The following WDFY4 variants were observed in gnomAD, a reference collection of about 807,000 sequenced individuals.
WDFY4 encodes the protein WDFY family member 4.
A neutral mutation model predicts 351.9 loss-of-function variants in WDFY4; 169 were observed. The observed-to-expected ratio is 0.48, with a 90% CI of 0.42 to 0.55. The LOEUF (loss-of-function observed/expected upper bound fraction) is 0.55, where lower values mean the gene tolerates loss of function less well. WDFY4 is among the 20% of genes least tolerant of loss of function. The pLI is 0.00. For synonymous variants in WDFY4, 1,622 were observed against 1,574.6 expected, an observed-to-expected ratio of 1.03 and a Z score of -0.71; for missense variants, 3,803 against 3,935.6, an observed-to-expected ratio of 0.97 and a Z score of 0.90.
chr10:48,807,697 T>A (rs2067306032), intron 27 of WDFY4, among the ~76,000 whole-genome samples, 162 bp from the exon 28 acceptor site: 1 of 152,250 alleles, frequency 6.6e-6, no homozygotes, highest in Non-Finnish European at 1.5e-5. Flanking sequence ...AAATTCTTTT[T>A]AAGCATTGTG....
chr10:48,857,049 A>G (rs769401834), intron 39 of WDFY4, among the ~76,000 whole-genome samples: 2 of 152,218 alleles, frequency 1.3e-5, no homozygotes, highest in Non-Finnish European at 2.9e-5. Context: ...TTTCAAGAAA[A>G]TAGCTGCCAA....
chr10:48,729,761 T>G (rs1268524558), intron 8 of WDFY4, among the ~76,000 whole-genome samples, 172 bp downstream of exon 8: 1 of 152,136 alleles, frequency 6.6e-6, no homozygotes, highest in Non-Finnish European at 1.5e-5. Context: ...AGTGGAAACA[T>G]TGCTTAATAA....
intron 1 of WDFY4, among the ~76,000 whole-genome samples, chr10:48,701,646 C>G (rs2063483469): frequency 6.6e-6 from 1 of 152,190 alleles, no homozygotes; most frequent in African/African-American, 2.4e-5. Context: ...CTGTCCCCAG[C>G]TGGTGGCATC....
intron 39 of WDFY4, among the ~76,000 whole-genome samples, chr10:48,860,597 A>G (rs2069302225): frequency 6.6e-6 from 1 of 152,206 alleles, no homozygotes; most frequent in Non-Finnish European, 1.5e-5. Context: ...TTAACATATG[A>G]ATTTGGGGGA....
At chr10:48,686,111 G>A (rs2063039402) in intron 1 of WDFY4, among the ~76,000 whole-genome samples, 1 of 152,056 alleles carries the variant, frequency 6.6e-6, no homozygotes, top group Non-Finnish European at 1.5e-5. Context: ...AGGTCAGGGA[G>A]GCCCTTCCTG....
intron 42 of WDFY4, among the ~76,000 whole-genome samples, chr10:48,876,079 T>C (rs1011148839): frequency 1.3e-5 from 2 of 152,144 alleles, no homozygotes; most frequent in Non-Finnish European, 2.9e-5. Flanking sequence ...AGCCCCTGGG[T>C]GTCTGTGACC....
Position 48,721,296 on chromosome 10 carries a change from T to G in WDFY4, c.385T>G (p.Trp129Gly), listed in dbSNP as rs1171294738. The G allele has an allele frequency of 1.3e-6, 2 of 1,551,424 alleles. No individual in the cohort carries two copies. Among genetic ancestry groups the G allele is most frequent in the Admixed American group, 3.9e-5 (2 of 50,964 alleles). The change falls in exon 4 of 62, where the codon TGG (tryptophan) becomes GGG (glycine). Residue 129 changes from tryptophan (W) to glycine (G), a missense_variant. Physicochemically the swap from Trp to Gly is radical, Grantham distance 184 (BLOSUM62 -2). This residue lies in a region of WDFY4 where 488 missense variants were observed against 456.8 expected (regional missense o/e 1.07). Coordinates refer to ENST00000325239, the MANE Select transcript of WDFY4 (RefSeq NM_001394531.1). ...GTTGGCAGCTGGACAGTTGCTGTGG[T>G]GGAAGGGGGACGTGGATCAGGATGG... is the stretch of plus-strand genomic sequence containing the variant. ...ARLAAGQLLW[W>G]KGDVDQDGYL...
chr10:48,830,772 A>G lies in WDFY4; in HGVS notation c.6413A>G (p.Glu2138Gly). ...QLVAQRQQTLEDAFKIDLSVK... is the reference protein window; with the variant it reads ...QLVAQRQQTLGDAFKIDLSVK... ...GTGGCACAAAGGCAGCAGACCCTGGAGGATGCCTTCAAGATCGATCTCTCT... is the reference window on the plus strand; with the variant it reads ...GTGGCACAAAGGCAGCAGACCCTGGGGGATGCCTTCAAGATCGATCTCTCT... Residue 2138 changes from glutamate (E) to glycine (G), a missense_variant, in exon 38 of 62, where the codon GAG (glutamate) becomes GGG (glycine). By Grantham distance (98) the Glu-to-Gly change is moderately conservative. This residue lies in a region of WDFY4 where 3,054 missense variants were observed against 3,148.6 expected (regional missense o/e 0.97). Transcript: ENST00000325239. 1 of 1,551,660 alleles carries G rather than the reference A, an allele frequency of 6.4e-7. No homozygotes were observed. Among genetic ancestry groups the G allele is most frequent in the Non-Finnish European group, 8.7e-7 (1 of 1,146,944 alleles).
chr10:48,744,153 G>T (rs554242446), intron 12 of WDFY4, among the ~76,000 whole-genome samples: 16 of 152,286 alleles, frequency 1.1e-4, no homozygotes, highest in South Asian at 4.1e-4. Context: ...TAAAGCAAGA[G>T]AGCACAAAGA....
At position 48,819,070 on chromosome 10, in the gene WDFY4, G is replaced by A. The variant is rs755879700; in HGVS notation, c.5506-1164G>A. The stretch of plus-strand genomic sequence containing the variant: ...GTCGGGGCTCCAGCCGAGTGCCCCC[G>A]CCAGCAGCCCAGGTGCACACTCTGA... On this transcript the variant is annotated intron_variant, in intron 32 of 61. Coordinates refer to ENST00000325239, the MANE Select transcript of WDFY4 (RefSeq NM_001394531.1). Among the ~76,000 whole-genome samples the A allele has an allele frequency of 2.6e-5, 4 of 152,210 alleles. No homozygotes were observed. The East Asian group carries it at 5.8e-4, about 22-fold the overall frequency.
intron 13 of WDFY4, among the ~76,000 whole-genome samples, chr10:48,767,469 G>T (rs1296060833): frequency 1.3e-5 from 2 of 152,168 alleles, no homozygotes; most frequent in Non-Finnish European, 2.9e-5. Flanking sequence ...TTAATAACAG[G>T]AAGTTGATAT....
chr10:48,844,029 C>T (rs141829798), intron 39 of WDFY4, among the ~76,000 whole-genome samples: 2,462 of 152,344 alleles, frequency 0.016, 69 homozygotes, highest in African/African-American at 0.054. Context: ...CCATTCACAA[C>T]CCGCTAGGCC....
Position 48,731,177 on chromosome 10 carries a change from T to C in WDFY4, c.1197T>C (p.Ser399=). Residue 399 remains serine (S), a synonymous_variant, in exon 9 of 62, where the codon TCT becomes TCC. Coordinates refer to ENST00000325239, the MANE Select transcript of WDFY4 (RefSeq NM_001394531.1). ...ATGTTTTCCACAAAGCCAGTGACTC[T>C]GTCCTCTGCATACAAGTCTTGTCAG... is the stretch of plus-strand genomic sequence containing the variant. ...LQNVFHKASD[S]VLCIQVLSVI... is the part of the protein sequence containing the mutation. 1.3e-6 allele frequency: 2 copies of C among 1,551,824 alleles called. No individual in the cohort carries two copies. Among genetic ancestry groups the C allele is most frequent in the Non-Finnish European group, 1.7e-6 (2 of 1,147,026 alleles).
intron 47 of WDFY4, among the ~76,000 whole-genome samples, chr10:48,934,973 G>A (rs1246768925): frequency 6.6e-6 from 1 of 152,136 alleles, no homozygotes; most frequent in Non-Finnish European, 1.5e-5. Flanking sequence ...TTCCTGACTG[G>A]GGCTCAGGCA....
At chr10:48,834,507 C>A (rs2068309839) in intron 39 of WDFY4, among the ~76,000 whole-genome samples, 1 of 152,218 alleles carries the variant, frequency 6.6e-6, no homozygotes, top group Admixed American at 6.5e-5. Context: ...GGCCTTCTAG[C>A]TCTCTCTGCC....
chr10:48,735,415 T>C (rs145774463), intron 10 of WDFY4, among the ~76,000 whole-genome samples: 12 of 152,356 alleles, frequency 7.9e-5, no homozygotes, highest in Admixed American at 2.6e-4. Context: ...AAAATTGTCA[T>C]TGGCTCTGGG....
intron 1 of WDFY4, among the ~76,000 whole-genome samples, chr10:48,695,995 C>T (rs1157436934): frequency 3.9e-5 from 6 of 152,174 alleles, no homozygotes; most frequent in Non-Finnish European, 7.3e-5. Flanking sequence ...TTTTGAGAGC[C>T]ATGGAAGGTT....
At chr10:48,961,241 G>C (rs777553728) in intron 53 of WDFY4, among the ~76,000 whole-genome samples, 3 of 152,198 alleles carry the variant, frequency 2.0e-5, no homozygotes, top group Non-Finnish European at 4.4e-5. Context: ...ACTGTCTTGA[G>C]TACTTGGGCC....
At chr10:48,809,097 T>C (rs940200912) in intron 28 of WDFY4, among the ~76,000 whole-genome samples, 1 of 152,162 alleles carries the variant, frequency 6.6e-6, no homozygotes, top group Admixed American at 6.5e-5. Context: ...CTGTAAATTC[T>C]CTGTAAGCTA....
Sources: gnomAD v4.1 joint callset for allele counts (sites outside exome capture counted in the v4.1 genomes callset) on GRCh38, gnomAD v4.1.1 for gene constraint, gnomAD v4.1.1 regional missense constraint, MANE v1.5 for transcripts, NCBI Gene and HGNC (gene_info 2026-07-23, HGNC 2026-07-21) for gene names.